TENM3: variants seen among roughly 807,000 people sequenced by gnomAD.
The protein encoded by TENM3 is teneurin transmembrane protein 3.
Under a neutral mutation model 255.1 loss-of-function variants are expected in TENM3, and 63 were observed. The observed-to-expected ratio is 0.25, with a 90% CI of 0.20 to 0.30. The LOEUF (loss-of-function observed/expected upper bound fraction) is 0.30, where lower values mean the gene tolerates loss of function less well. TENM3 is among the 10% of genes least tolerant of loss of function. The pLI is 1.00. For synonymous variants in TENM3, 1,306 were observed against 1,322.3 expected (o/e 0.99, Z 0.27); for missense variants, 2,929 against 3,461.1 (o/e 0.85, Z 3.86).
the TENM3 span, among the ~76,000 whole-genome samples, chr4:181,792,340 A>G: frequency 6.6e-6 from 1 of 152,310 alleles, no homozygotes; most frequent in East Asian, 1.9e-4. Context: ...TTAAATTTTC[A>G]TGAAAGTCAT....
At chr4:182,456,086 T>G (rs2151357021) in intron 3 of TENM3, among the ~76,000 whole-genome samples, 1 of 152,320 alleles carries the variant, frequency 6.6e-6, no homozygotes, top group African/African-American at 2.4e-5. Flanking sequence ...TCTCGAATGC[T>G]TATTGGATGA....
the TENM3 span, among the ~76,000 whole-genome samples, chr4:181,884,794 A>G: frequency 6.6e-6 from 1 of 152,132 alleles, no homozygotes; most frequent in Non-Finnish European, 1.5e-5. Context: ...AAAAAGCCCT[A>G]CAATTCAAAT....
chr4:182,783,123 G>T (rs1182602823), intron 24 of TENM3, among the ~76,000 whole-genome samples: 1 of 151,710 alleles, frequency 6.6e-6, no homozygotes, highest in African/African-American at 2.4e-5. Context: ...TATTTTGCTC[G>T]TTAGTTGATG....
intron 12 of TENM3, among the ~76,000 whole-genome samples, chr4:182,694,531 CT>C (rs1757246459): frequency 6.6e-6 from 1 of 152,184 alleles, no homozygotes; most frequent in Non-Finnish European, 1.5e-5. Context: ...TTTTCATGTA[CT>C]TTTAGGCAGT....
In TENM3 at chr4:182,751,951, G is replaced by A. The variant is rs1367570639; in HGVS notation, c.3781G>A (p.Gly1261Arg). 6.2e-7 allele frequency: 1 copy of A among 1,613,750 alleles called. No homozygotes were observed. Among genetic ancestry groups the A allele is most frequent in the Non-Finnish European group, 8.5e-7 (1 of 1,179,878 alleles). The change falls in exon 20 of 28, where the codon GGG (glycine) becomes AGG (arginine). Residue 1261 changes from glycine (G) to arginine (R), a missense_variant. Physicochemically the swap from Gly to Arg is moderately radical, Grantham distance 125. Transcript: ENST00000511685. ...AAATGCAGAAGTCGTCGCAGGGACA[G>A]GGGAGCAATGCCTTCCGTTTGACGA... ...TKNAEVVAGT[G>R]EQCLPFDEAR...
intron 1 of TENM3, among the ~76,000 whole-genome samples, chr4:182,170,380 T>C (rs1752022182): frequency 6.6e-6 from 1 of 152,188 alleles, no homozygotes; most frequent in Non-Finnish European, 1.5e-5. Context: ...ATCCAGTGTA[T>C]TTGCTTTGCA....
chr4:181,592,123 G>T, the TENM3 span, among the ~76,000 whole-genome samples: 4 of 152,072 alleles, frequency 2.6e-5, no homozygotes. Context: ...TGCAGGTGGT[G>T]GATATGTTCA....
the TENM3 span, among the ~76,000 whole-genome samples, chr4:182,043,567 C>A: frequency 1.3e-5 from 2 of 152,162 alleles, no homozygotes; most frequent in Non-Finnish European, 2.9e-5. Flanking sequence ...TGAATCATTA[C>A]ACAAGCATAC....
intron 3 of TENM3, among the ~76,000 whole-genome samples, chr4:182,417,600 ATC>A (rs1770485610): frequency 6.6e-6 from 1 of 152,210 alleles, no homozygotes; most frequent in Non-Finnish European, 1.5e-5. Flanking sequence ...AGGACTTAGT[ATC>A]TAATAAACGG....
At chr4:181,903,540 G>A in the TENM3 span, among the ~76,000 whole-genome samples, 1 of 152,094 alleles carries the variant, frequency 6.6e-6, no homozygotes, top group Non-Finnish European at 1.5e-5. Flanking sequence ...TCTCTCCAAC[G>A]GAACACATCA....
At chr4:182,760,360 TATTGA>T (rs1207886371) in intron 22 of TENM3, among the ~76,000 whole-genome samples, 4 of 152,174 alleles carry the variant, frequency 2.6e-5, no homozygotes, top group Non-Finnish European at 5.9e-5. Flanking sequence ...AAATCCAGTG[TATTGA>T]ATTGGGGAAC....
the TENM3 span, among the ~76,000 whole-genome samples, chr4:182,062,314 T>C: frequency 1.3e-5 from 2 of 152,186 alleles, no homozygotes; most frequent in African/African-American, 2.4e-5. Context: ...AATTGTGTAT[T>C]TGTGTATACA....
chr4:182,060,147 G>A, the TENM3 span, among the ~76,000 whole-genome samples: 1 of 152,148 alleles, frequency 6.6e-6, no homozygotes, highest in Non-Finnish European at 1.5e-5. Context: ...TGAGGTGGAA[G>A]GATCGCTTAA....
chr4:181,503,905 C>A, the TENM3 span, among the ~76,000 whole-genome samples: 1 of 152,280 alleles, frequency 6.6e-6, no homozygotes, highest in Admixed American at 6.5e-5. Flanking sequence ...AGAAACCACC[C>A]CTTCCATGGC....
At chr4:181,782,220 G>A in the TENM3 span, among the ~76,000 whole-genome samples, 4 of 152,238 alleles carry the variant, frequency 2.6e-5, no homozygotes, top group East Asian at 1.9e-4. Flanking sequence ...CGTACCTCTG[G>A]TAGAATTTGG....
chr4:181,801,450 C>CA, the TENM3 span, among the ~76,000 whole-genome samples: 11 of 151,964 alleles, frequency 7.2e-5, no homozygotes, highest in South Asian at 6.2e-4. Flanking sequence ...GAATACTCTC[C>CA]AGCTCATTTC....
the TENM3 span, among the ~76,000 whole-genome samples, chr4:182,015,673 G>T: frequency 7.2e-5 from 11 of 152,062 alleles, no homozygotes; most frequent in Non-Finnish European, 1.0e-4. Flanking sequence ...TGATTCTCCT[G>T]CCTCAGCCTC....
At chr4:181,622,509 C>T in the TENM3 span, among the ~76,000 whole-genome samples, 1 of 152,000 alleles carries the variant, frequency 6.6e-6, no homozygotes. Flanking sequence ...AACCCTGTCT[C>T]TAATAAAAAT....
intron 3 of TENM3, among the ~76,000 whole-genome samples, chr4:182,510,219 A>G (rs1431310713): frequency 2.0e-5 from 3 of 152,170 alleles, no homozygotes; most frequent in Non-Finnish European, 2.9e-5. Flanking sequence ...TCTAGTTTAC[A>G]TTGCTTTATC....
Sources: gnomAD v4.1 joint callset for allele counts (sites outside exome capture counted in the v4.1 genomes callset) on GRCh38, gnomAD v4.1.1 for gene constraint, MANE v1.5 for transcripts, NCBI Gene and HGNC (gene_info 2026-07-23, HGNC 2026-07-21) for gene names.